The following EIF2AK2 variants were observed in gnomAD, a reference collection of about 807,000 sequenced individuals.
EIF2AK2 encodes eukaryotic translation initiation factor 2 alpha kinase 2, also known as interferon-induced, double-stranded RNA-activated protein kinase.
Under a neutral mutation model 70.5 loss-of-function variants are expected in EIF2AK2, and 40 were observed. The observed-to-expected ratio is 0.57, with a 90% CI of 0.44 to 0.74. The LOEUF is 0.74. EIF2AK2 is among the 30% of genes least tolerant of loss of function. The pLI is 0.00. For missense variants in EIF2AK2, 555 were observed against 644.3 expected (o/e 0.86, Z 1.50); for synonymous variants, 198 against 220.9 (o/e 0.90, Z 0.92).
chr2:37,122,391 G>C (rs1217640109), intron 12 of EIF2AK2, 115 bp downstream of exon 12: 3 of 1,149,566 alleles, frequency 2.6e-6, no homozygotes, highest in African/African-American at 3.1e-5. Flanking sequence ...GTGTCTCTCA[G>C]AGGGAATTGT....
intron 13 of EIF2AK2, among the ~76,000 whole-genome samples, chr2:37,117,200 A>G (rs1203373631): frequency 2.3e-5 from 3 of 127,966 alleles, no homozygotes; most frequent in Non-Finnish European, 5.1e-5. Context: ...GCAACAGAGG[A>G]GACTCTGTCT....
At chr2:37,112,348 T>C (rs1306296772) in intron 14 of EIF2AK2, among the ~76,000 whole-genome samples, 2 of 152,180 alleles carry the variant, frequency 1.3e-5, no homozygotes, top group East Asian at 1.9e-4. Flanking sequence ...TACCACAGCA[T>C]AGTCTGGCAA....
chr2:37,150,408 G>T (rs1467944991), intron 1 of EIF2AK2, among the ~76,000 whole-genome samples: 1 of 151,960 alleles, frequency 6.6e-6, no homozygotes, highest in African/African-American at 2.4e-5. Flanking sequence ...AAATTACAGT[G>T]TACTAAATAT....
At chr2:37,151,821 G>C (rs1675751210) in intron 1 of EIF2AK2, among the ~76,000 whole-genome samples, 1 of 152,266 alleles carries the variant, frequency 6.6e-6, no homozygotes, top group Non-Finnish European at 1.5e-5. Flanking sequence ...GCTCATGCCT[G>C]TACTCCCAAC....
intron 14 of EIF2AK2, among the ~76,000 whole-genome samples, chr2:37,112,307 T>C (rs1471088371): frequency 6.6e-6 from 1 of 152,188 alleles, no homozygotes; most frequent in Admixed American, 6.5e-5. Context: ...CTTGGTATTT[T>C]CTGCACCACT....
chr2:37,148,398 G>T (rs1675629188), intron 2 of EIF2AK2: 1 of 329,566 alleles, frequency 3.0e-6, no homozygotes, highest in East Asian at 6.4e-5. Flanking sequence ...AAATGAACGG[G>T]CAGGCAAGTG....
chr2:37,111,005 T>C (rs1365242129), intron 14 of EIF2AK2, among the ~76,000 whole-genome samples: 1 of 152,236 alleles, frequency 6.6e-6, no homozygotes, highest in Non-Finnish European at 1.5e-5. Context: ...TGTTACAACA[T>C]GGATATATCT....
At chr2:37,142,500 T>A (rs551324034) in intron 4 of EIF2AK2, among the ~76,000 whole-genome samples, 43 of 152,204 alleles carry the variant, frequency 2.8e-4, no homozygotes, top group African/African-American at 1.0e-3. Flanking sequence ...TTTTTTTTAT[T>A]TTTTATTTCT....
At chr2:37,153,862 A>G (rs1272780147) in intron 1 of EIF2AK2, among the ~76,000 whole-genome samples, 1 of 152,194 alleles carries the variant, frequency 6.6e-6, no homozygotes, top group Non-Finnish European at 1.5e-5. Flanking sequence ...GAATCACATG[A>G]TAATTCTGTT....
intron 13 of EIF2AK2, among the ~76,000 whole-genome samples, chr2:37,117,544 A>G (rs938603276): frequency 6.6e-6 from 1 of 152,232 alleles, no homozygotes; most frequent in Non-Finnish European, 1.5e-5. Flanking sequence ...AAAACACAAA[A>G]GAAATAAAAA....
At chr2:37,135,616 G>A (rs983744930) in intron 9 of EIF2AK2, 70 bp from the exon 10 acceptor site, 1 of 1,401,186 alleles carries the variant, frequency 7.1e-7, no homozygotes, top group Non-Finnish European at 9.9e-7. Flanking sequence ...TAGTGTTAAT[G>A]TTAACCTTTT....
chr2:37,132,459 C>T (rs146016155), intron 10 of EIF2AK2, among the ~76,000 whole-genome samples: 1,687 of 152,144 alleles, frequency 0.011, 25 homozygotes, highest in African/African-American at 0.039. Context: ...CATGGTGGTG[C>T]GTGCCTGTAA....
At chr2:37,110,474 A>G (rs934683109) in intron 14 of EIF2AK2, among the ~76,000 whole-genome samples, 1 of 152,176 alleles carries the variant, frequency 6.6e-6, no homozygotes, top group African/African-American at 2.4e-5. Context: ...GTTTTTAACC[A>G]AATAGTGTGA....
At chr2:37,144,761 TAGTAC>T (rs972280642) in intron 4 of EIF2AK2, among the ~76,000 whole-genome samples, 14 of 152,126 alleles carry the variant, frequency 9.2e-5, no homozygotes, top group African/African-American at 3.4e-4. Flanking sequence ...TTTGTGTTTT[TAGTAC>T]AGACAGGGTT....
chr2:37,137,603 C>T lies in EIF2AK2; in HGVS notation c.688-586G>A, dbSNP rs551301311. On this transcript the variant is annotated intron_variant, in intron 8 of 16. Transcript: ENST00000233057. The stretch of plus-strand genomic sequence containing the variant: ...AGGCTACAGGCATGTGCCACTGCAC[C>T]AGCCTAAAAAATTATCTGATTTCAA... Among the ~76,000 whole-genome samples the T allele has an allele frequency of 7.2e-5, 11 of 152,252 alleles. No homozygotes were observed. The South Asian group carries it at 8.3e-4, about 11-fold the overall frequency.
chr2:37,118,462 G>C (rs1046915889), intron 13 of EIF2AK2, among the ~76,000 whole-genome samples: 4 of 152,210 alleles, frequency 2.6e-5, no homozygotes, highest in African/African-American at 9.6e-5. Flanking sequence ...TAGTTGGCAG[G>C]TAAGTGGGTA....
chr2:37,134,325 T>A (rs2148695210), intron 10 of EIF2AK2, among the ~76,000 whole-genome samples: 1 of 152,308 alleles, frequency 6.6e-6, no homozygotes, highest in South Asian at 2.1e-4. Flanking sequence ...CAAGCCTCAC[T>A]TTGCTTTTCA....
intron 4 of EIF2AK2, among the ~76,000 whole-genome samples, chr2:37,145,278 A>G (rs116740903): frequency 0.03 from 4,478 of 150,966 alleles, 95 homozygotes; most frequent in Middle Eastern, 0.054. Flanking sequence ...AAGTAGCCGG[A>G]ATTATAGGTG....
chr2:37,153,337 CTTTTTTT>C (rs1553340565), intron 1 of EIF2AK2, among the ~76,000 whole-genome samples: 1 of 109,864 alleles, frequency 9.1e-6, no homozygotes, highest in African/African-American at 3.3e-5. Context: ...CTCTGCTAAT[CTTTTTTT>C]TTTTTTTTTT....
Sources: allele counts gnomAD v4.1 joint callset (sites outside exome capture counted in the v4.1 genomes callset), GRCh38; gene constraint gnomAD v4.1.1; transcripts MANE v1.5; gene names NCBI Gene and HGNC (gene_info 2026-07-23, HGNC 2026-07-21).